GRHL2: variants seen among roughly 807,000 people sequenced by gnomAD.
The protein encoded by GRHL2 is grainyhead-like protein 2 homolog.
Under a neutral mutation model 83.8 loss-of-function variants are expected in GRHL2, and 21 were observed. The observed-to-expected ratio is 0.25, with a 90% CI of 0.18 to 0.36. The LOEUF (loss-of-function observed/expected upper bound fraction) is 0.36. Ranked by LOEUF, GRHL2 falls within the 10% of genes least tolerant of loss-of-function variation. GRHL2 has a pLI of 1.00. For synonymous variants in GRHL2, 280 were observed against 278.9 expected (o/e 1.00, Z -0.04); for missense variants, 623 against 781.8 (o/e 0.80, Z 2.42).
At chr8:101,507,263 A>G (rs1444103999) in intron 1 of GRHL2, among the ~76,000 whole-genome samples, 1 of 152,166 alleles carries the variant, frequency 6.6e-6, no homozygotes, top group Non-Finnish European at 1.5e-5. Context: ...TCAGAGGTTT[A>G]AATTTTTAAA....
Position 101,641,683 on chromosome 8 carries a change from C to T in GRHL2, c.1518-2448C>T, listed in dbSNP as rs747284821. ...TAGAATCATTCTACATAATAACCAC[C>T]ACATTGTGCCAGGGAGATGGAAATT... On this transcript the variant is annotated intron_variant, in intron 12 of 15. Transcript: ENST00000646743. 2.0e-5 allele frequency among the ~76,000 whole-genome samples: 3 copies of T among 152,100 alleles called. 1 individual carries two copies. Among genetic ancestry groups the T allele is most frequent in the Admixed American group, 2.0e-4 (3 of 15,280 alleles).
At chr8:101,643,369 C>CAAAAAAAA (rs56301334) in intron 12 of GRHL2, among the ~76,000 whole-genome samples, 1 of 96,986 alleles carries the variant, frequency 1.0e-5, no homozygotes, top group Admixed American at 1.3e-4. Context: ...CTGTTTCTCT[C>CAAAAAAAA]AAAAAAAAAA....
chr8:101,541,052 G>A (rs1811142348), intron 1 of GRHL2, among the ~76,000 whole-genome samples: 2 of 151,994 alleles, frequency 1.3e-5, no homozygotes, highest in African/African-American at 2.4e-5. Context: ...TGTTGTTCCT[G>A]AGCTACTTCA....
At chr8:101,588,763 C>CAACT (rs1383090161) in intron 7 of GRHL2, among the ~76,000 whole-genome samples, 2 of 152,180 alleles carry the variant, frequency 1.3e-5, no homozygotes, top group Non-Finnish European at 2.9e-5. Flanking sequence ...CTCTGAAGTA[C>CAACT]AACTATAAGT....
chr8:101,665,452 G>A (rs1261725362), intron 15 of GRHL2, among the ~76,000 whole-genome samples: 1 of 152,228 alleles, frequency 6.6e-6, no homozygotes, highest in Non-Finnish European at 1.5e-5. Flanking sequence ...CCTGTTGGTT[G>A]ATTGGAGGAT....
chr8:101,671,451 CGATGCTGGGGGAGGGGCACCTG>C (rs1158878045), downstream of GRHL2, among the ~76,000 whole-genome samples: 4 of 152,078 alleles, frequency 2.6e-5, no homozygotes, highest in East Asian at 7.7e-4. Context: ...AAGGCGGCAG[CGATGCTGGGGGAGGGGCACCTG>C]CAAGCTGGGG....
At chr8:101,660,917 A>C (rs1031892181) in intron 14 of GRHL2, among the ~76,000 whole-genome samples, 2 of 152,286 alleles carry the variant, frequency 1.3e-5, no homozygotes, top group Middle Eastern at 3.4e-3. Flanking sequence ...ATTTTGCAAA[A>C]ATAGTTTAAT....
chr8:101,581,758 G>C (rs1812057077), intron 7 of GRHL2, among the ~76,000 whole-genome samples: 1 of 152,202 alleles, frequency 6.6e-6, no homozygotes, highest in African/African-American at 2.4e-5. Flanking sequence ...AACTGCTCAA[G>C]ACTAGGGGCA....
chr8:101,546,093 G>T (rs1811259478), intron 2 of GRHL2, among the ~76,000 whole-genome samples: 1 of 151,818 alleles, frequency 6.6e-6, no homozygotes, highest in African/African-American at 2.4e-5. Flanking sequence ...TATTGGCCAG[G>T]ATGGTCTCGA....
intron 7 of GRHL2, among the ~76,000 whole-genome samples, chr8:101,586,626 T>G (rs1287156388): frequency 2.0e-5 from 3 of 152,250 alleles, no homozygotes; most frequent in Non-Finnish European, 4.4e-5. Context: ...GACGCTGAAC[T>G]TTTTGAATGA....
intron 1 of GRHL2, among the ~76,000 whole-genome samples, chr8:101,523,720 C>T (rs750038331): frequency 1.7e-4 from 26 of 151,984 alleles, no homozygotes; most frequent in Non-Finnish European, 2.9e-4. Context: ...CTCAAACGAT[C>T]CTCCCACCTC....
In GRHL2 at chr8:101,632,356, G is replaced by A; in HGVS notation, c.1476G>A (p.Arg492=). ...IPDVHFANLQ[R]TGQVYYNTDD... ...ATGTTCACTTTGCAAACCTGCAGAG[G>A]ACCGGACAGGTATGACCTACCAGCT... Residue 492 remains arginine (R), a synonymous_variant, in exon 11 of 16, where the codon AGG becomes AGA. Coordinates refer to ENST00000646743, the MANE Select transcript of GRHL2 (RefSeq NM_024915.4). 1.2e-6 allele frequency: 2 copies of A among 1,613,890 alleles called. No individual in the cohort carries two copies. The highest frequency in any genetic ancestry group is 1.7e-6 in the Non-Finnish European group (2 of 1,179,832).
chr8:101,504,199 C>T (rs777973658), intron 1 of GRHL2, among the ~76,000 whole-genome samples: 4 of 152,176 alleles, frequency 2.6e-5, no homozygotes, highest in South Asian at 2.1e-4. Flanking sequence ...AGGAATGCCA[C>T]GCTGCCCTTC....
chr8:101,497,085 C>T (rs1304907244), intron 1 of GRHL2, among the ~76,000 whole-genome samples: 1 of 152,108 alleles, frequency 6.6e-6, no homozygotes, highest in Non-Finnish European at 1.5e-5. Context: ...CCCTGAGTAT[C>T]ACCAGTTTAA....
rs67985027 is a variant in GRHL2, at chr8:101,586,065, C to CTTTTTTTTTTTTTTTTT, written c.1003+8555_1003+8571dup. On this transcript the variant is annotated intron_variant, in intron 7 of 15. Coordinates refer to ENST00000646743, the MANE Select transcript of GRHL2 (RefSeq NM_024915.4). ...TCTTCTTTCCTTCCACCTCATGTTTCTTTTTTTTTTTTTTTTTTTTTTTTT... is the reference window on the plus strand; with the variant it reads ...TCTTCTTTCCTTCCACCTCATGTTTCTTTTTTTTTTTTTTTTTTTTTTTTTTTTTTTTTTTTTTTTTT... Among the ~76,000 whole-genome samples the CTTTTTTTTTTTTTTTTT allele has an allele frequency of 1.9e-3, 183 of 94,264 alleles. 17 individuals carry two copies. The highest frequency in any genetic ancestry group is 6.0e-3 in the Middle Eastern group (1 of 166). The allele number at this position is 94,264 out of a possible 152,430, so 61.8% of individuals were successfully genotyped here.
At chr8:101,589,390 G>A (rs9297306) in intron 7 of GRHL2, among the ~76,000 whole-genome samples, 91,851 of 152,082 alleles carry the variant, frequency 0.6, 29,481 homozygotes, top group Non-Finnish European at 0.71. Context: ...GTGCAAGCAC[G>A]GGCACGCGTG....
intron 11 of GRHL2, among the ~76,000 whole-genome samples, chr8:101,636,149 T>C (rs1182263750): frequency 1.3e-5 from 2 of 152,226 alleles, no homozygotes; most frequent in Non-Finnish European, 2.9e-5. Context: ...AGAGGACATA[T>C]ATGCACAGCA....
At chr8:101,572,916 CACA>C (rs1247137889) in intron 5 of GRHL2, among the ~76,000 whole-genome samples, 1 of 152,108 alleles carries the variant, frequency 6.6e-6, no homozygotes, top group African/African-American at 2.4e-5. Context: ...TCGTCTCTAC[CACA>C]ACGACTCAAC....
At chr8:101,570,482 C>A in intron 5 of GRHL2, 88 bp downstream of exon 5, 1 of 1,069,888 alleles carries the variant, frequency 9.3e-7, no homozygotes, top group Middle Eastern at 2.0e-4. Context: ...AACCTTTTTT[C>A]TTTGTAAACT....
Sources: gnomAD v4.1 joint callset for allele counts (sites outside exome capture counted in the v4.1 genomes callset) on GRCh38, gnomAD v4.1.1 for gene constraint, MANE v1.5 for transcripts, NCBI Gene and HGNC (gene_info 2026-07-23, HGNC 2026-07-21) for gene names.